The following PRKN variants were observed in gnomAD, a reference collection of about 807,000 sequenced individuals.
The protein encoded by PRKN is E3 ubiquitin-protein ligase parkin.
In PRKN, 56 loss-of-function variants were observed where a neutral mutation model predicts 59.5. That is an observed-to-expected ratio of 0.94 (90% CI 0.76 to 1.18). The LOEUF is 1.18. Ranked by LOEUF, PRKN falls within the 50% of genes most tolerant of loss-of-function variation. The pLI is 0.00. For synonymous variants in PRKN, 250 were observed against 222.1 expected (o/e 1.13, Z -1.12); for missense variants, 657 against 596.4 (o/e 1.10, Z -1.06).
intron 4 of PRKN, among the ~76,000 whole-genome samples, chr6:162,153,299 A>C (rs1374277904): frequency 6.6e-6 from 1 of 152,210 alleles, no homozygotes; most frequent in Non-Finnish European, 1.5e-5. Context: ...TGCGGGAAGG[A>C]ACGTGTAGGG....
chr6:162,510,379 G>A (rs1181218327), intron 1 of PRKN, among the ~76,000 whole-genome samples: 3 of 136,036 alleles, frequency 2.2e-5, no homozygotes, highest in East Asian at 3.9e-4. Flanking sequence ...ATGATGGCAG[G>A]TGCTTTCTCA....
intron 5 of PRKN, among the ~76,000 whole-genome samples, chr6:162,011,348 A>G (rs1189857052): frequency 5.7e-5 from 2 of 35,300 alleles, no homozygotes; most frequent in South Asian, 8.0e-4. Flanking sequence ...TATATATTAT[A>G]ATATATATTT....
intron 7 of PRKN, among the ~76,000 whole-genome samples, chr6:161,613,072 G>A (rs554635097): frequency 6.6e-6 from 1 of 152,238 alleles, no homozygotes; most frequent in Admixed American, 6.5e-5. Flanking sequence ...ATGGATCTGG[G>A]CAAAGTACAC....
chr6:162,471,663 G>C (rs889025514), intron 1 of PRKN, among the ~76,000 whole-genome samples: 24 of 152,128 alleles, frequency 1.6e-4, no homozygotes, highest in African/African-American at 5.6e-4. Context: ...CATTATAAGT[G>C]TTCATTATTA....
intron 2 of PRKN, among the ~76,000 whole-genome samples, chr6:162,422,320 T>TAAA (rs1789010857): frequency 6.6e-6 from 1 of 152,188 alleles, no homozygotes; most frequent in East Asian, 1.9e-4. Flanking sequence ...CTAGAAAAAT[T>TAAA]TACCTGCCCC....
At chr6:162,638,739 CT>C (rs370517141) in intron 1 of PRKN, among the ~76,000 whole-genome samples, 103 of 99,640 alleles carry the variant, frequency 1.0e-3, no homozygotes, top group African/African-American at 3.5e-3. Context: ...CTAACTATCC[CT>C]TTTTTTTTTT....
intron 8 of PRKN, among the ~76,000 whole-genome samples, chr6:161,567,061 G>C (rs941464): frequency 0.58 from 79,596 of 136,720 alleles, 23,590 homozygotes; most frequent in East Asian, 0.71. Flanking sequence ...GTGTGTGTGA[G>C]AGAGGGTCAC....
intron 7 of PRKN, among the ~76,000 whole-genome samples, chr6:161,677,452 T>C (rs930161437): frequency 9.8e-5 from 15 of 152,318 alleles, no homozygotes; most frequent in African/African-American, 3.4e-4. Flanking sequence ...TCCGTTGCCA[T>C]GCAGCCCAAG....
intron 8 of PRKN, among the ~76,000 whole-genome samples, chr6:161,567,037 T>TTTTTTTTTG (rs548743646): frequency 9.6e-6 from 1 of 103,770 alleles, no homozygotes; most frequent in Non-Finnish European, 1.9e-5. Flanking sequence ...TTTTTTTTTT[T>TTTTTTTTTG]TGTGTGTGTG....
intron 4 of PRKN, among the ~76,000 whole-genome samples, chr6:162,103,529 G>A (rs1432133777): frequency 1.3e-5 from 2 of 151,980 alleles, no homozygotes; most frequent in African/African-American, 2.4e-5. Context: ...AACCAGGAAT[G>A]GAACAGAAGT....
intron 2 of PRKN, among the ~76,000 whole-genome samples, chr6:162,359,071 A>ATATAT (rs1428285716): frequency 8.4e-4 from 75 of 89,692 alleles, no homozygotes; most frequent in African/African-American, 4.4e-3. Flanking sequence ...AAAAAAAAAA[A>ATATAT]AAAAAAAAAT....
At chr6:161,809,075 AG>A (rs1328813149) in intron 6 of PRKN, among the ~76,000 whole-genome samples, 8 of 152,188 alleles carry the variant, frequency 5.3e-5, no homozygotes, top group Non-Finnish European at 1.2e-4. Context: ...TCCTGGGCTC[AG>A]GCAGTCCGCC....
intron 6 of PRKN, among the ~76,000 whole-genome samples, chr6:161,812,304 G>T (rs1305927185): frequency 6.6e-6 from 1 of 152,062 alleles, no homozygotes; most frequent in African/African-American, 2.4e-5. Context: ...AAGGCAGGGG[G>T]TGGGAGTCCC....
At chr6:162,257,616 A>T (rs1214500013) in intron 3 of PRKN, among the ~76,000 whole-genome samples, 1 of 152,044 alleles carries the variant, frequency 6.6e-6, no homozygotes, top group Non-Finnish European at 1.5e-5. Context: ...TATAAAGAGG[A>T]TATGAACATG....
Position 161,480,697 on chromosome 6 carries a change from A to C in PRKN, c.1083+68157T>G, listed in dbSNP as rs1241926640. 6.6e-6 allele frequency among the ~76,000 whole-genome samples: 1 copy of C among 152,204 alleles called. No individual in the cohort carries two copies. The highest frequency in any genetic ancestry group is 1.5e-5 in the Non-Finnish European group (1 of 68,036). ...TTCAATGGAAGGTAAGAAAGAGTTA[A>C]CGTCTAACCCATTACATGCTAAGTG... On this transcript the variant is annotated intron_variant, in intron 9 of 11. Coordinates refer to ENST00000366898, the MANE Select transcript of PRKN (RefSeq NM_004562.3). This position sits in a 1 kb window ranked among gnomAD's most constrained non-coding sequence, Gnocchi z 4.1.
rs1475757957 is a variant in PRKN, at chr6:161,448,114, CTG to C, written c.1084-61239_1084-61238del. ...AACAGTAGCCAATCAAATCTTACATCTGTGTGTTAGCCGTTGTATGGAAAACA... is the reference window on the plus strand; with the variant it reads ...AACAGTAGCCAATCAAATCTTACATCTGTGTTAGCCGTTGTATGGAAAACA... On this transcript the variant is annotated intron_variant, in intron 9 of 11. Coordinates refer to ENST00000366898, the MANE Select transcript of PRKN (RefSeq NM_004562.3). This position sits in a 1 kb window ranked among gnomAD's most constrained non-coding sequence, Gnocchi z 5.1. 2.0e-5 allele frequency among the ~76,000 whole-genome samples: 3 copies of C among 152,318 alleles called. No homozygotes were observed. The highest frequency in any genetic ancestry group is 3.9e-4 in the East Asian group (2 of 5,182).
chr6:162,650,207 C>T (rs1484407014), intron 1 of PRKN, among the ~76,000 whole-genome samples: 3 of 152,270 alleles, frequency 2.0e-5, no homozygotes, highest in East Asian at 1.9e-4. Context: ...GAAACTGTTG[C>T]TAGGAGACGA....
chr6:162,355,713 T>TA (rs563025533), intron 2 of PRKN, among the ~76,000 whole-genome samples: 25,924 of 145,482 alleles, frequency 0.18, 2,319 homozygotes, highest in African/African-American at 0.2. Flanking sequence ...TGAACCAAAT[T>TA]AAAAAAAAAA....
intron 4 of PRKN, among the ~76,000 whole-genome samples, chr6:162,089,386 A>C: frequency 7.2e-6 from 1 of 138,806 alleles, no homozygotes; most frequent in Middle Eastern, 3.4e-3. Context: ...AATTTAAAAC[A>C]AACAAGAAAA....
Sources: allele counts gnomAD v4.1 joint callset (sites outside exome capture counted in the v4.1 genomes callset), GRCh38; gene constraint gnomAD v4.1.1; non-coding constraint Gnocchi (gnomAD v3.1); transcripts MANE v1.5; gene names NCBI Gene and HGNC (gene_info 2026-07-23, HGNC 2026-07-21).